Variants in RASAL2 observed in about 807,000 individuals in gnomAD.
The protein encoded by RASAL2 is RAS protein activator like 2.
In RASAL2, 58 loss-of-function variants were observed where a neutral mutation model predicts 128.9. The observed-to-expected ratio is 0.45, with a 90% confidence interval of 0.36 to 0.56. The LOEUF (loss-of-function observed/expected upper bound fraction) is 0.56, where lower values mean the gene tolerates loss of function less well. Ranked by LOEUF, RASAL2 falls within the 20% of genes least tolerant of loss-of-function variation. The pLI is 0.00. For synonymous variants in RASAL2, 561 were observed against 580.8 expected, an observed-to-expected ratio of 0.97 and a Z score of 0.49; for missense variants, 1,360 against 1,601.6, an observed-to-expected ratio of 0.85 and a Z score of 2.57.
intron 1 of RASAL2, among the ~76,000 whole-genome samples, chr1:178,256,583 G>A (rs1209487030): frequency 6.6e-6 from 1 of 152,194 alleles, no homozygotes; most frequent in South Asian, 2.1e-4. Flanking sequence ...ATGTTCACAT[G>A]TATGTAATCC....
intron 3 of RASAL2, among the ~76,000 whole-genome samples, chr1:178,349,420 C>G (rs929185617): frequency 6.6e-6 from 1 of 152,018 alleles, no homozygotes; most frequent in African/African-American, 2.4e-5. Context: ...GAGACTTGGT[C>G]TCCAAATAAA....
chr1:178,401,981 A>AT (rs1166788501), intron 4 of RASAL2, among the ~76,000 whole-genome samples: 4 of 152,172 alleles, frequency 2.6e-5, no homozygotes, highest in African/African-American at 4.8e-5. Flanking sequence ...AGAGAACTGT[A>AT]TTTTTTACCG....
Position 178,300,079 on chromosome 1 carries a change from C to A in RASAL2, c.418C>A (p.Gln140Lys). Residue 140 changes from glutamine to lysine, a missense_variant, in exon 3 of 18, where the codon CAG becomes AAG. Around this residue, in one of 3 missense-constraint regions of RASAL2, gnomAD observed 617 missense variants for 714.2 expected, o/e 0.86. Transcript: ENST00000367649. ...RRTVSVPSEG[Q>K]FPEYPPEGAT... is the part of the protein sequence containing the mutation. ...AACTGTCAGTGTCCCTTCCGAGGGT[C>A]AGTTTCCCGAGTACCCACCAGAGGG... 6.2e-7 allele frequency: 1 copy of A among 1,613,928 alleles called. No individual in the cohort carries two copies. The highest frequency in any genetic ancestry group is 1.1e-5 in the South Asian group (1 of 91,066).
intron 3 of RASAL2, among the ~76,000 whole-genome samples, chr1:178,350,682 T>C (rs142670399): frequency 3.3e-4 from 51 of 152,316 alleles, no homozygotes; most frequent in Non-Finnish European, 6.2e-4. Flanking sequence ...GGATTCAGTT[T>C]CTTGCAGTGG....
chr1:178,223,462 T>C (rs73033424), intron 1 of RASAL2, among the ~76,000 whole-genome samples: 2,046 of 152,180 alleles, frequency 0.013, 48 homozygotes, highest in African/African-American at 0.046. Flanking sequence ...GCAAGAGCCC[T>C]GTGGTGGGAA....
intron 1 of RASAL2, among the ~76,000 whole-genome samples, chr1:178,230,818 G>A (rs1663977035): frequency 6.6e-6 from 1 of 152,144 alleles, no homozygotes; most frequent in Non-Finnish European, 1.5e-5. Flanking sequence ...TTATATGTTG[G>A]CATGCTTCTG....
chr1:178,348,614 A>G (rs946074765), intron 3 of RASAL2, among the ~76,000 whole-genome samples: 8 of 151,820 alleles, frequency 5.3e-5, no homozygotes, highest in African/African-American at 1.9e-4. Context: ...ACTTTTCTAC[A>G]TGTATGTTAT....
At chr1:178,273,846 AC>A (rs1223821715) in intron 1 of RASAL2, among the ~76,000 whole-genome samples, 1 of 152,118 alleles carries the variant, frequency 6.6e-6, no homozygotes, top group Non-Finnish European at 1.5e-5. Context: ...CCTACCACTC[AC>A]TTGAGGTCAG....
intron 3 of RASAL2, among the ~76,000 whole-genome samples, chr1:178,381,539 C>A (rs78433013): frequency 1.8e-3 from 280 of 151,828 alleles, no homozygotes; most frequent in Non-Finnish European, 3.1e-3. Flanking sequence ...ATATTTAGTT[C>A]TTGGTAAATG....
intron 1 of RASAL2, among the ~76,000 whole-genome samples, chr1:178,178,338 A>T (rs983715228): frequency 6.6e-6 from 1 of 152,144 alleles, no homozygotes; most frequent in Non-Finnish European, 1.5e-5. Flanking sequence ...ACATTCATTT[A>T]TGGGGGCCAA....
intron 1 of RASAL2, among the ~76,000 whole-genome samples, chr1:178,177,593 A>G (rs1661937791): frequency 6.6e-6 from 1 of 152,246 alleles, no homozygotes. Context: ...TCTCTGAGGA[A>G]TTGATCTTTG....
At chr1:178,207,698 A>T (rs138976014) in intron 1 of RASAL2, among the ~76,000 whole-genome samples, 5 of 152,136 alleles carry the variant, frequency 3.3e-5, no homozygotes, top group Non-Finnish European at 5.9e-5. Context: ...AACTTATATC[A>T]TACAGCTTAT....
chr1:178,430,605 A>G (rs1675822108), intron 5 of RASAL2, among the ~76,000 whole-genome samples: 1 of 152,110 alleles, frequency 6.6e-6, no homozygotes, highest in East Asian at 1.9e-4. Context: ...ACTGCAGTTT[A>G]TGAAATAGAT....
chr1:178,314,892 A>C, intron 3 of RASAL2, among the ~76,000 whole-genome samples: 1 of 145,348 alleles, frequency 6.9e-6, no homozygotes, highest in South Asian at 2.3e-4. Flanking sequence ...GCACCCACTA[A>C]CTCGTCATCT....
chr1:178,190,767 G>T (rs74128879), intron 1 of RASAL2, among the ~76,000 whole-genome samples: 65 of 151,572 alleles, frequency 4.3e-4, no homozygotes, highest in South Asian at 2.1e-4. Flanking sequence ...ATATGTAGCC[G>T]GAATAAACAG....
At chr1:178,174,008 A>T (rs1256906208) in intron 1 of RASAL2, among the ~76,000 whole-genome samples, 1 of 151,720 alleles carries the variant, frequency 6.6e-6, no homozygotes. Context: ...TTCATACTCT[A>T]TGAAAATTAC....
At chr1:178,119,327 T>C (rs968818355) in intron 1 of RASAL2, among the ~76,000 whole-genome samples, 1 of 152,222 alleles carries the variant, frequency 6.6e-6, no homozygotes, top group Non-Finnish European at 1.5e-5. Flanking sequence ...TAAGAGAAGA[T>C]GTGTGTGTTC....
intron 15 of RASAL2, among the ~76,000 whole-genome samples, chr1:178,465,717 T>C (rs61813853): frequency 0.019 from 2,875 of 151,974 alleles, 35 homozygotes; most frequent in Non-Finnish European, 0.029. Context: ...TTTATGCCAG[T>C]TGATAATTAT....
At chr1:178,456,173 A>G (rs992882096) in intron 12 of RASAL2, among the ~76,000 whole-genome samples, 2 of 152,250 alleles carry the variant, frequency 1.3e-5, no homozygotes, top group Non-Finnish European at 2.9e-5. Flanking sequence ...TGACTGGGAT[A>G]GTGGATGGCA....
Sources: gnomAD v4.1 joint callset for allele counts (sites outside exome capture counted in the v4.1 genomes callset) on GRCh38, gnomAD v4.1.1 for gene constraint, gnomAD v4.1.1 regional missense constraint, MANE v1.5 for transcripts, NCBI Gene and HGNC (gene_info 2026-07-23, HGNC 2026-07-21) for gene names.